CRTC3: variants seen among roughly 807,000 people sequenced by gnomAD.
CRTC3 encodes CREB regulated transcription coactivator 3, also known as CREB-regulated transcription coactivator 3.
A neutral mutation model predicts 74.5 loss-of-function variants in CRTC3; 26 were observed. The ratio of observed to expected loss-of-function variants is 0.35; its 90% CI spans 0.26 to 0.48. The LOEUF (loss-of-function observed/expected upper bound fraction) is 0.48. Ranked by LOEUF, CRTC3 falls within the 20% of genes least tolerant of loss-of-function variation. CRTC3 has a pLI of 0.99. For missense variants in CRTC3, 760 were observed against 787.3 expected (o/e 0.97, Z 0.41); for synonymous variants, 377 against 325.8 (o/e 1.16, Z -1.69).
chr15:90,631,839 C>T (rs1969051767), intron 11 of CRTC3, among the ~76,000 whole-genome samples: 1 of 152,098 alleles, frequency 6.6e-6, no homozygotes, highest in South Asian at 2.1e-4. Context: ...ACCTCAGCCT[C>T]CCAAAGGGCT....
chr15:90,539,954 C>T (rs7174198), intron 1 of CRTC3, 85 bp from the exon 2 acceptor site: 209,206 of 898,982 alleles, frequency 0.23, 26,209 homozygotes, highest in East Asian at 0.46. Context: ...ATTCTTGAAC[C>T]GTTCCCCTAC....
chr15:90,577,526 G>A (rs1416188390), intron 2 of CRTC3, among the ~76,000 whole-genome samples: 1 of 152,180 alleles, frequency 6.6e-6, no homozygotes, highest in Non-Finnish European at 1.5e-5. Context: ...AAAAAGTAAG[G>A]TACAGACAGT....
At chr15:90,575,222 G>A (rs1967375642) in intron 2 of CRTC3, among the ~76,000 whole-genome samples, 1 of 152,134 alleles carries the variant, frequency 6.6e-6, no homozygotes, top group South Asian at 2.1e-4. Context: ...GTTGTGGCAG[G>A]TGCCTGCAAT....
At position 90,639,966 on chromosome 15, in the gene CRTC3, G is replaced by A. The variant is rs182465807; in HGVS notation, c.1549-1131G>A. 1.8e-3 allele frequency among the ~76,000 whole-genome samples: 268 copies of A among 152,042 alleles called. 1 individual carries two copies. Among genetic ancestry groups the A allele is most frequent in the African/African-American group, 3.9e-3 (161 of 41,524 alleles). On this transcript the variant is annotated intron_variant, in intron 13 of 14. Coordinates refer to ENST00000268184, the MANE Select transcript of CRTC3 (RefSeq NM_022769.5). ...CGGGAGGCTGAGGCAGGAGAATGGC[G>A]TGAAGCCGGGAGGCGGAGCTTGCAG...
intron 3 of CRTC3, among the ~76,000 whole-genome samples, chr15:90,601,271 C>G (rs1178038258): frequency 6.6e-6 from 1 of 152,170 alleles, no homozygotes; most frequent in African/African-American, 2.4e-5. Flanking sequence ...CAGTGAACAA[C>G]ACAAGACTGA....
chr15:90,640,003 C>T (rs1419488776), intron 13 of CRTC3, among the ~76,000 whole-genome samples: 8 of 151,896 alleles, frequency 5.3e-5, no homozygotes, highest in African/African-American at 2.4e-5. Context: ...GAGCTGAGAT[C>T]GCACCACTGC....
At chr15:90,640,875 C>A (rs909551679) in intron 13 of CRTC3, among the ~76,000 whole-genome samples, 20 of 152,096 alleles carry the variant, frequency 1.3e-4, no homozygotes, top group Non-Finnish European at 2.4e-4. Flanking sequence ...AAAGTCACCA[C>A]GCTGTGGACC....
In CRTC3 at chr15:90,625,792, G is replaced by C; in HGVS notation, c.766G>C (p.Gly256Arg). ...VGGGNAFPHNGQNLGLSPFLG... is the reference protein window; with the variant it reads ...VGGGNAFPHNRQNLGLSPFLG... ...TTTTTTCAGTGCTTTTCCACATAAT[G>C]GTCAAAACCTAGGCCTCTCACCCTT... Residue 256 changes from glycine (G) to arginine (R), a missense_variant, in exon 10 of 15, where the codon GGT becomes CGT. By Grantham distance (125) the Gly-to-Arg change is moderately radical. Transcript: ENST00000268184. 1 of 1,613,934 alleles carries C rather than the reference G, an allele frequency of 6.2e-7. No individual in the cohort carries two copies. The highest frequency in any genetic ancestry group is 1.1e-5 in the South Asian group (1 of 91,072).
chr15:90,626,811 C>T (rs1433814708), intron 10 of CRTC3, among the ~76,000 whole-genome samples: 4 of 152,172 alleles, frequency 2.6e-5, no homozygotes, highest in African/African-American at 9.7e-5. Context: ...GACAGGGTTT[C>T]ACCATGTTGG....
In CRTC3 at chr15:90,602,357, T is replaced by C. The variant is rs879045574; in HGVS notation, c.385T>C (p.Ser129Pro). 6.2e-7 allele frequency: 1 copy of C among 1,601,496 alleles called. No individual in the cohort carries two copies. Among genetic ancestry groups the C allele is most frequent in the South Asian group, 1.1e-5 (1 of 90,342 alleles). ...DGSAFGANYS[S>P]QPLDESWPRQ... ...TAGTGCTTTTGGAGCCAATTATTCC[T>C]CACAGCCTCTGGATGAGAGTTGGCC... Residue 129 changes from serine (S) to proline (P), a missense_variant, in exon 4 of 15, where the codon TCA becomes CCA. Physicochemically the swap from Ser to Pro is moderately conservative, Grantham distance 74 (BLOSUM62 -1). This residue lies in a region of CRTC3 where 652 missense variants were observed against 635.2 expected (regional missense o/e 1.03). Transcript: ENST00000268184.
At chr15:90,574,464 G>A (rs780730074) in intron 2 of CRTC3, among the ~76,000 whole-genome samples, 7 of 151,738 alleles carry the variant, frequency 4.6e-5, no homozygotes, top group African/African-American at 9.7e-5. Flanking sequence ...GTGACAGAGC[G>A]AGACTCTGTC....
intron 2 of CRTC3, among the ~76,000 whole-genome samples, chr15:90,570,316 A>G (rs1054794783): frequency 6.6e-6 from 1 of 152,128 alleles, no homozygotes; most frequent in Non-Finnish European, 1.5e-5. Flanking sequence ...TGGAGGGACA[A>G]TGAGGGATGA....
chr15:90,582,647 A>C (rs1307113788), intron 2 of CRTC3, among the ~76,000 whole-genome samples: 1 of 152,260 alleles, frequency 6.6e-6, no homozygotes, highest in Non-Finnish European at 1.5e-5. Context: ...AGTATACAAA[A>C]AAATAGAAAG....
At chr15:90,602,687 C>T (rs1968103493) in intron 4 of CRTC3, among the ~76,000 whole-genome samples, 1 of 151,674 alleles carries the variant, frequency 6.6e-6, no homozygotes, top group African/African-American at 2.4e-5. Flanking sequence ...CAACAAAACA[C>T]CTTATTGGCC....
chr15:90,556,523 A>G (rs1280637040), intron 2 of CRTC3, among the ~76,000 whole-genome samples: 1 of 152,232 alleles, frequency 6.6e-6, no homozygotes, highest in East Asian at 1.9e-4. Flanking sequence ...CATGACATAA[A>G]GTAGTTTGCA....
rs756726567 is a variant in CRTC3, at chr15:90,638,825, C to T, written c.1548+10C>T. On this transcript the variant is annotated intron_variant, in intron 13 of 14. Transcript: ENST00000268184. ...TGCCTTTCCTCAACAGGTGGGTGATCGCCCCTGCCTTCTCCTCCCTTGGTG... is the reference window on the plus strand; with the variant it reads ...TGCCTTTCCTCAACAGGTGGGTGATTGCCCCTGCCTTCTCCTCCCTTGGTG... 4.3e-6 allele frequency: 7 copies of T among 1,610,402 alleles called. No individual in the cohort carries two copies. The highest frequency in any genetic ancestry group is 5.9e-6 in the Non-Finnish European group (7 of 1,176,778).
At position 90,607,414 on chromosome 15, in the gene CRTC3, G is replaced by C; in HGVS notation, c.513G>C (p.Leu171=). 6.2e-7 allele frequency: 1 copy of C among 1,613,446 alleles called. No homozygotes were observed. The highest frequency in any genetic ancestry group is 8.5e-7 in the Non-Finnish European group (1 of 1,179,706). ...NSDSALHTSA[L]STKPQDPYGG... is the part of the protein sequence containing the mutation. ...ATTCTGCTCTTCACACGAGTGCTCT[G>C]AGTACCAAGCCCCAGGACCCCTATG... The change falls in exon 6 of 15, where the codon CTG becomes CTC. Residue 171 remains leucine (L), a synonymous_variant. Transcript: ENST00000268184.
rs533147125 is a variant in CRTC3, at chr15:90,606,556, T to C, written c.477-822T>C. Reference sequence around the variant, plus strand: ...CAGCCTGGGCAACAGAGCGAGACTCTGTCTCAGAAAAAAATAATAAAATAA... The same window carrying C: ...CAGCCTGGGCAACAGAGCGAGACTCCGTCTCAGAAAAAAATAATAAAATAA... On this transcript the variant is annotated intron_variant, in intron 5 of 14. Transcript: ENST00000268184. Among the ~76,000 whole-genome samples the C allele has an allele frequency of 1.1e-4, 17 of 152,120 alleles. No homozygotes were observed. In the South Asian group the frequency reaches 3.5e-3, roughly 32 times the overall value.
intron 3 of CRTC3, chr15:90,598,540 A>G (rs1473052878): frequency 1.7e-5 from 12 of 702,112 alleles, no homozygotes; most frequent in Non-Finnish European, 2.9e-5. Flanking sequence ...AGGCTTGGGG[A>G]GAGAGAGAAC....
Sources: allele counts gnomAD v4.1 joint callset (sites outside exome capture counted in the v4.1 genomes callset), GRCh38; gene constraint gnomAD v4.1.1; regional missense constraint gnomAD v4.1.1; transcripts MANE v1.5; gene names NCBI Gene and HGNC (gene_info 2026-07-23, HGNC 2026-07-21).